COL19A1: variants seen among roughly 807,000 people sequenced by gnomAD.
COL19A1 encodes the protein collagen alpha-1(XIX) chain.
A neutral mutation model predicts 190.2 loss-of-function variants in COL19A1; 159 were observed. The observed-to-expected ratio is 0.84, with a 90% CI of 0.73 to 0.95. The LOEUF (loss-of-function observed/expected upper bound fraction) is 0.95. Ranked by LOEUF, COL19A1 falls within the 40% of genes least tolerant of loss-of-function variation. The probability of loss-of-function intolerance (pLI) is 0.00; values close to 1 mark genes in which losing one functional copy is unlikely to be tolerated. For synonymous variants in COL19A1, 509 were observed against 458.9 expected, an observed-to-expected ratio of 1.11 and a Z score of -1.39; for missense variants, 1,418 against 1,431.9, an observed-to-expected ratio of 0.99 and a Z score of 0.16.
At chr6:70,138,664 A>C (rs960975510) in intron 19 of COL19A1, among the ~76,000 whole-genome samples, 7 of 152,058 alleles carry the variant, frequency 4.6e-5, no homozygotes, top group Non-Finnish European at 1.0e-4. Context: ...TACAAAGCCA[A>C]ATTTTCCCTA....
At chr6:70,023,954 C>G (rs1290402557) in intron 12 of COL19A1, among the ~76,000 whole-genome samples, 1 of 151,920 alleles carries the variant, frequency 6.6e-6, no homozygotes, top group Non-Finnish European at 1.5e-5. Context: ...TTTTTTCTGT[C>G]TTTTTTCATC....
intron 10 of COL19A1, among the ~76,000 whole-genome samples, 171 bp downstream of exon 10, chr6:69,960,211 G>A (rs988583925): frequency 6.6e-5 from 10 of 152,176 alleles, no homozygotes; most frequent in Admixed American, 5.9e-4. Flanking sequence ...CCCTCTTGAA[G>A]GGACCATTCT....
rs142106286 is a variant in COL19A1, at chr6:70,208,557, G to T, written c.*1283G>T. ...TTAGCTGTACATTCATTGAGGAACT[G>T]TTGATTGGCAGGCACTGATTCTCTA... On this transcript the variant is annotated 3_prime_UTR_variant, in exon 51 of 51. Transcript: ENST00000620364. The T allele has an allele frequency of 1.3e-5, 2 of 152,528 alleles. No homozygotes were observed. The highest frequency in any genetic ancestry group is 2.4e-5 in the African/African-American group (1 of 41,576). The allele number at this position is 152,528 out of a possible 1,614,324, so 9.4% of individuals were successfully genotyped here.
At chr6:70,042,306 G>A (rs538748091) in intron 14 of COL19A1, among the ~76,000 whole-genome samples, 10 of 152,214 alleles carry the variant, frequency 6.6e-5, no homozygotes, top group African/African-American at 1.7e-4. Flanking sequence ...TTACAGGTTC[G>A]GTTCCGTACC....
At chr6:70,152,884 T>C (rs1787158456) in intron 31 of COL19A1, among the ~76,000 whole-genome samples, 1 of 152,144 alleles carries the variant, frequency 6.6e-6, no homozygotes, top group Non-Finnish European at 1.5e-5. Context: ...ATGAATATAC[T>C]GGTAGAATAT....
intron 2 of COL19A1, among the ~76,000 whole-genome samples, chr6:69,897,487 A>ACACACC (rs57788189): frequency 3.6e-4 from 51 of 142,628 alleles, no homozygotes; most frequent in East Asian, 1.4e-3. Flanking sequence ...ACACACACAC[A>ACACACC]CCCCATACTG....
At chr6:70,031,423 G>GT (rs1562102003) in intron 12 of COL19A1, among the ~76,000 whole-genome samples, 1 of 151,930 alleles carries the variant, frequency 6.6e-6, no homozygotes, top group Admixed American at 6.6e-5. Flanking sequence ...CTGTATGCTT[G>GT]TATCTTTTTA....
At chr6:70,054,446 C>T (rs1780381372) in intron 14 of COL19A1, among the ~76,000 whole-genome samples, 2 of 152,150 alleles carry the variant, frequency 1.3e-5, no homozygotes, top group African/African-American at 4.8e-5. Flanking sequence ...AGAAAAGCTT[C>T]TGTTAACAGT....
chr6:70,070,066 T>A (rs1781456238), intron 15 of COL19A1, among the ~76,000 whole-genome samples: 1 of 152,136 alleles, frequency 6.6e-6, no homozygotes, highest in Non-Finnish European at 1.5e-5. Context: ...GACAATCAAA[T>A]CATGTACAAA....
chr6:70,043,336 C>T (rs6909759), intron 14 of COL19A1, among the ~76,000 whole-genome samples: 55,840 of 151,580 alleles, frequency 0.37, 12,994 homozygotes, highest in Non-Finnish European at 0.52. Context: ...GGACTACAGG[C>T]GCCCACCACT....
Position 70,068,311 on chromosome 6 carries a change from T to G in COL19A1, c.1171-112T>G. 6.6e-6 allele frequency: 5 copies of G among 761,632 alleles called. No homozygotes were observed. The South Asian group carries it at 7.4e-5, about 11-fold the overall frequency. The allele number at this position is 761,632 out of a possible 1,614,324, so 47.2% of individuals were successfully genotyped here. On this transcript the variant is annotated intron_variant, in intron 14 of 50. Coordinates refer to ENST00000620364, the MANE Select transcript of COL19A1 (RefSeq NM_001858.6). ...AGTTCAACCTTGAAAGAGCTCAAAT[T>G]ACTTTAAAAGTTTGTTTTAATCAAC...
intron 16 of COL19A1, among the ~76,000 whole-genome samples, chr6:70,121,499 A>G (rs980346195): frequency 1.3e-5 from 2 of 152,218 alleles, no homozygotes; most frequent in African/African-American, 2.4e-5. Context: ...GTGGGAACAC[A>G]CAGTTCTATA....
intron 4 of COL19A1, among the ~76,000 whole-genome samples, chr6:69,903,307 C>A (rs1770308494): frequency 6.6e-6 from 1 of 152,126 alleles, no homozygotes; most frequent in Non-Finnish European, 1.5e-5. Context: ...GGTGGGGGTG[C>A]CTCAGGCTCC....
intron 11 of COL19A1, among the ~76,000 whole-genome samples, chr6:69,986,668 G>A (rs1464059417): frequency 6.6e-6 from 1 of 152,084 alleles, no homozygotes; most frequent in Non-Finnish European, 1.5e-5. Context: ...TACTTTGACC[G>A]CAGAGTTTAT....
In COL19A1 at chr6:70,151,419, A is replaced by G; in HGVS notation, c.2060A>G (p.Asp687Gly). ...GDPIALPLLG[D>G]IGALLKNFCG... ...CAGATTGCACTTCCTCTCTTGGGAG[A>G]CATCGGTGCTTTGCTCAAGGTACTC... is the stretch of plus-strand genomic sequence containing the variant. The change falls in exon 31 of 51, where the codon GAC becomes GGC. Residue 687 changes from aspartate to glycine, a missense_variant. Asp to Gly is a moderately conservative substitution (Grantham distance 94, BLOSUM62 -1). Transcript: ENST00000620364. 6.2e-7 allele frequency: 1 copy of G among 1,612,764 alleles called. No individual in the cohort carries two copies. The highest frequency in any genetic ancestry group is 8.5e-7 in the Non-Finnish European group (1 of 1,179,124).
Position 70,027,564 on chromosome 6 carries a change from T to C in COL19A1, c.1080+3884T>C, listed in dbSNP as rs1339123752. ...TTTCTAAGTGTATCTTAACTGTGTG[T>C]GTGTGTGTGTGTGTGTTTGTATGTG... On this transcript the variant is annotated intron_variant, in intron 12 of 50. Transcript: ENST00000620364. Among the ~76,000 whole-genome samples, 4 of 151,786 alleles carry C rather than the reference T, an allele frequency of 2.6e-5. No homozygotes were observed. The East Asian group carries it at 7.7e-4, about 29-fold the overall frequency.
At chr6:69,962,780 T>C (rs770857967) in intron 10 of COL19A1, 46 bp from the exon 11 acceptor site, 2 of 1,339,090 alleles carry the variant, frequency 1.5e-6, no homozygotes, top group Non-Finnish European at 2.1e-6. Flanking sequence ...GCATGTGTTA[T>C]AAGTATCATT....
intron 2 of COL19A1, among the ~76,000 whole-genome samples, chr6:69,886,626 T>TG (rs972939377): frequency 0.011 from 1,574 of 149,656 alleles, 32 homozygotes; most frequent in African/African-American, 0.036. Context: ...CGTTTTTTTT[T>TG]TTTGTGTGGT....
chr6:69,944,224 C>G (rs188503091), intron 9 of COL19A1, among the ~76,000 whole-genome samples: 26 of 152,268 alleles, frequency 1.7e-4, no homozygotes, highest in African/African-American at 2.4e-5. Flanking sequence ...TTACTCCCAC[C>G]TCTATCCTCT....
Sources: allele counts gnomAD v4.1 joint callset (sites outside exome capture counted in the v4.1 genomes callset), GRCh38; gene constraint gnomAD v4.1.1; transcripts MANE v1.5; gene names NCBI Gene and HGNC (gene_info 2026-07-23, HGNC 2026-07-21).